RAPGEF2: variants seen among roughly 807,000 people sequenced by gnomAD.
RAPGEF2 encodes PDZ domain containing guanine nucleotide exchange factor (GEF) 1.
RAPGEF2 carries 54 observed loss-of-function variants against 186.7 expected under a neutral mutation model. That is an observed-to-expected ratio of 0.29 (90% confidence interval 0.23 to 0.36). The LOEUF (loss-of-function observed/expected upper bound fraction) is 0.36. Among genes scored for constraint, RAPGEF2 ranks in the 10% least tolerant of loss-of-function variants. RAPGEF2 has a pLI of 1.00. For missense variants in RAPGEF2, 1,532 were observed against 2,045.0 expected, an observed-to-expected ratio of 0.75 and a Z score of 4.84; for synonymous variants, 712 against 705.9, an observed-to-expected ratio of 1.01 and a Z score of -0.14.
rs80181961 is a variant in RAPGEF2 at position 159,210,897 on chromosome 4, G to A, written c.281+314G>A. 8.4e-3 allele frequency among the ~76,000 whole-genome samples: 1,276 copies of A among 152,158 alleles called. 13 individuals carry two copies. The highest frequency in any genetic ancestry group is 0.028 in the African/African-American group (1,174 of 41,508). On this transcript the variant is annotated intron_variant, in intron 4 of 29. Transcript: ENST00000691494. ...AGCTCAAGATAGCTTAGATAAAGGG[G>A]GACGAACTTAAAGAGTATAGCAGGC...
intron 1 of RAPGEF2, among the ~76,000 whole-genome samples, chr4:159,167,504 T>C (rs1009201714): frequency 2.0e-5 from 3 of 152,196 alleles, no homozygotes; most frequent in Non-Finnish European, 4.4e-5. Flanking sequence ...AGAGCCCATG[T>C]TGGGCCGGGA....
chr4:159,199,490 T>C (rs1053226548), intron 3 of RAPGEF2, among the ~76,000 whole-genome samples: 6 of 151,970 alleles, frequency 3.9e-5, no homozygotes, highest in Non-Finnish European at 1.5e-5. Flanking sequence ...TTCAATTCTC[T>C]ATTCAAAAGA....
chr4:159,273,663 TTTCTTTCTTTCTTTC>T (rs1334624967), intron 7 of RAPGEF2, among the ~76,000 whole-genome samples: 1 of 149,780 alleles, frequency 6.7e-6, no homozygotes, highest in African/African-American at 2.5e-5. Flanking sequence ...TCTTTCTTTC[TTTCTTTCTTTCTTTC>T]TTTCTTTCTT....
intron 1 of RAPGEF2, among the ~76,000 whole-genome samples, chr4:159,121,110 C>A (rs1739630163): frequency 6.6e-6 from 1 of 152,120 alleles, no homozygotes; most frequent in African/African-American, 2.4e-5. Context: ...GCCTTGGCCT[C>A]CTAAAGTGCT....
At chr4:159,298,198 T>C (rs1345961614) in intron 7 of RAPGEF2, among the ~76,000 whole-genome samples, 2 of 152,182 alleles carry the variant, frequency 1.3e-5, no homozygotes, top group South Asian at 2.1e-4. Context: ...ATTAAGTTAT[T>C]AACTCATGAC....
At chr4:159,338,559 G>A in intron 18 of RAPGEF2, 91 bp downstream of exon 18, 2 of 1,311,886 alleles carry the variant, frequency 1.5e-6, no homozygotes, top group South Asian at 3.0e-5. Flanking sequence ...TCTTCATTTG[G>A]CATGGATTAT....
chr4:159,352,287 T>A (rs1329285358), intron 26 of RAPGEF2, among the ~76,000 whole-genome samples: 1 of 152,214 alleles, frequency 6.6e-6, no homozygotes, highest in African/African-American at 2.4e-5. Flanking sequence ...TTCTAAAAAT[T>A]GAAAACTGTT....
chr4:159,124,986 C>T (rs1346511267), intron 1 of RAPGEF2, among the ~76,000 whole-genome samples: 1 of 151,524 alleles, frequency 6.6e-6, no homozygotes, highest in Non-Finnish European at 1.5e-5. Flanking sequence ...CTTCAGTTTT[C>T]TAGCCTAACT....
At chr4:159,152,661 A>C (rs1743682611) in intron 1 of RAPGEF2, among the ~76,000 whole-genome samples, 1 of 152,180 alleles carries the variant, frequency 6.6e-6, no homozygotes, top group African/African-American at 2.4e-5. Context: ...TCTGTCACCC[A>C]GGCTGGGGTG....
At chr4:159,286,163 G>A (rs771545180) in intron 7 of RAPGEF2, among the ~76,000 whole-genome samples, 2 of 150,424 alleles carry the variant, frequency 1.3e-5, no homozygotes, top group African/African-American at 4.9e-5. Context: ...CAAATCACTG[G>A]GGTTGCCATC....
rs567071149 is a variant in RAPGEF2, at chr4:159,217,433, C to T, written c.281+6850C>T. Among the ~76,000 whole-genome samples, 5 of 152,246 alleles carry T rather than the reference C, an allele frequency of 3.3e-5. No individual in the cohort carries two copies. The East Asian group carries it at 5.8e-4, about 18-fold the overall frequency. ...GTGAGAACATGTGATACTTGGTTTT[C>T]GGTTTCTGTGTTGCGGCCTCCAGCT... On this transcript the variant is annotated intron_variant, in intron 4 of 29. Coordinates refer to ENST00000691494, the MANE Select transcript of RAPGEF2 (RefSeq NM_001394067.2).
In RAPGEF2 at chr4:159,319,376, C is replaced by T. The variant is rs911928520; in HGVS notation, c.854-2971C>T. Among the ~76,000 whole-genome samples the T allele has an allele frequency of 7.2e-5, 11 of 152,206 alleles. No individual in the cohort carries two copies. In the East Asian group the frequency reaches 2.1e-3, roughly 29 times the overall value. ...GTGCACTCCCTATGAGACTGTAATG[C>T]TTGATGATCTGAGGCAGAACAGTTT... On this transcript the variant is annotated intron_variant, in intron 9 of 29. Transcript: ENST00000691494.
chr4:159,279,024 C>T (rs563075358), intron 7 of RAPGEF2, among the ~76,000 whole-genome samples: 3 of 152,116 alleles, frequency 2.0e-5, no homozygotes, highest in Admixed American at 2.0e-4. Context: ...CCATCCCCTA[C>T]GGTTCCATAC....
chr4:159,133,858 C>T (rs1322804300), intron 1 of RAPGEF2, among the ~76,000 whole-genome samples: 3 of 152,158 alleles, frequency 2.0e-5, no homozygotes, highest in African/African-American at 7.2e-5. Context: ...CCTGGGATTA[C>T]AGGCGTGAGC....
Position 159,350,262 on chromosome 4 carries a change from A to C in RAPGEF2, c.3838A>C (p.Thr1280Pro), listed in dbSNP as rs376377133. The change falls in exon 26 of 30, where the codon ACT (threonine) becomes CCT (proline). Residue 1280 changes from threonine to proline, a missense_variant. By Grantham distance (38) the Thr-to-Pro change is conservative. Coordinates refer to ENST00000691494, the MANE Select transcript of RAPGEF2 (RefSeq NM_001394067.2). ...NASSQLSSPPTSPQSSPRKGY... is the reference protein window; with the variant it reads ...NASSQLSSPPPSPQSSPRKGY... The stretch of plus-strand genomic sequence containing the variant: ...ATCTTCGCAGCTTTCTTCTCCTCCT[A>C]CTTCTCCACAGAGTTCTCCAAGGAA... 114 of 1,594,516 alleles carry C rather than the reference A, an allele frequency of 7.1e-5. No individual in the cohort carries two copies. Among genetic ancestry groups the C allele is most frequent in the Admixed American group, 2.5e-4 (14 of 57,128 alleles).
chr4:159,246,698 CTTGAG>C (rs763559647), intron 7 of RAPGEF2, among the ~76,000 whole-genome samples: 8 of 152,244 alleles, frequency 5.3e-5, no homozygotes, highest in African/African-American at 1.2e-4. Context: ...GGCTTTCTGA[CTTGAG>C]TTATGTTCTT....
chr4:159,226,259 C>T lies in RAPGEF2; in HGVS notation c.282-12550C>T, dbSNP rs77462755. Reference sequence around the variant, plus strand: ...AAGTATCTTCAATCCATCAAATTGCCTTGGCATGTTTGTTTAAAATCAATT... The same window carrying T: ...AAGTATCTTCAATCCATCAAATTGCTTTGGCATGTTTGTTTAAAATCAATT... On this transcript the variant is annotated intron_variant, in intron 4 of 29. Transcript: ENST00000691494. Among the ~76,000 whole-genome samples, 671 of 152,208 alleles carry T rather than the reference C, an allele frequency of 4.4e-3. 3 individuals are homozygous for T. Among genetic ancestry groups the T allele is most frequent in the African/African-American group, 0.014 (602 of 41,560 alleles).
At chr4:159,331,893 C>A in intron 15 of RAPGEF2, 33 bp from the exon 16 acceptor site, 2 of 1,585,820 alleles carry the variant, frequency 1.3e-6, no homozygotes, top group South Asian at 2.3e-5. Context: ...TTTTTTCAGT[C>A]AATTTTGATA....
chr4:159,242,464 C>T (rs1282838012), intron 6 of RAPGEF2, among the ~76,000 whole-genome samples: 2 of 151,418 alleles, frequency 1.3e-5, no homozygotes, highest in Admixed American at 6.6e-5. Flanking sequence ...ATATCTTATA[C>T]CCACACTTCA....
Sources: gnomAD v4.1 joint callset for allele counts (sites outside exome capture counted in the v4.1 genomes callset) on GRCh38, gnomAD v4.1.1 for gene constraint, MANE v1.5 for transcripts, NCBI Gene and HGNC (gene_info 2026-07-23, HGNC 2026-07-21) for gene names.